The following ANKRD44 variants were observed in gnomAD, a reference collection of about 807,000 sequenced individuals.
The protein encoded by ANKRD44 is serine/threonine-protein phosphatase 6 regulatory ankyrin repeat subunit B.
ANKRD44 carries 35 observed loss-of-function variants against 116.0 expected under a neutral mutation model. The observed-to-expected ratio is 0.30, with a 90% CI of 0.23 to 0.40. ANKRD44 has a LOEUF of 0.40. Ranked by LOEUF, ANKRD44 falls within the 10% of genes least tolerant of loss-of-function variation. ANKRD44 has a pLI of 1.00. For missense variants in ANKRD44, 1,014 were observed against 1,242.6 expected, an observed-to-expected ratio of 0.82 and a Z score of 2.77; for synonymous variants, 435 against 461.8, an observed-to-expected ratio of 0.94 and a Z score of 0.74.
intron 1 of ANKRD44, among the ~76,000 whole-genome samples, chr2:197,279,571 G>A (rs1374131202): frequency 6.6e-6 from 1 of 152,118 alleles, no homozygotes; most frequent in Non-Finnish European, 1.5e-5. Context: ...CTCCAGCCAA[G>A]CTGCTCGCTT....
intron 1 of ANKRD44, among the ~76,000 whole-genome samples, chr2:197,247,362 T>C (rs1335818712): frequency 1.3e-5 from 2 of 152,122 alleles, no homozygotes; most frequent in Non-Finnish European, 2.9e-5. Flanking sequence ...TGGGCATAGG[T>C]TGCTGAAATA....
intron 26 of ANKRD44, among the ~76,000 whole-genome samples, chr2:196,994,103 C>T (rs1452949340): frequency 6.6e-6 from 1 of 152,192 alleles, no homozygotes; most frequent in East Asian, 1.9e-4. Context: ...CTACTAAATG[C>T]ACACAGATGT....
At chr2:197,121,268 T>A in intron 8 of ANKRD44, 64 bp downstream of exon 8, 1 of 1,472,812 alleles carries the variant, frequency 6.8e-7, no homozygotes, top group South Asian at 1.1e-5. Flanking sequence ...TTTGCAGCAG[T>A]TGATTTTGCT....
In ANKRD44 at chr2:197,299,738, G is replaced by A. The variant is rs992187099; in HGVS notation, c.27+10840C>T. 2.0e-5 allele frequency among the ~76,000 whole-genome samples: 3 copies of A among 152,156 alleles called. No homozygotes were observed. The East Asian group carries it at 5.8e-4, about 29-fold the overall frequency. Reference sequence around the variant, plus strand: ...TACACATTGGGTACAGTTCTTTAGTGGTGACAGGTGCACCAAAATCTCAGA... The same window carrying A: ...TACACATTGGGTACAGTTCTTTAGTAGTGACAGGTGCACCAAAATCTCAGA... On this transcript the variant is annotated intron_variant, in intron 1 of 27. Transcript: ENST00000282272.
At chr2:197,246,178 A>T (rs1358140841) in intron 1 of ANKRD44, among the ~76,000 whole-genome samples, 2 of 151,610 alleles carry the variant, frequency 1.3e-5, no homozygotes, top group African/African-American at 4.8e-5. Context: ...CTAGATTTTT[A>T]TTTTTATTTA....
intron 1 of ANKRD44, among the ~76,000 whole-genome samples, chr2:197,268,241 C>T (rs1363642596): frequency 6.6e-6 from 1 of 152,218 alleles, no homozygotes; most frequent in Admixed American, 6.5e-5. Context: ...GAAAATCTAT[C>T]AGTCTTGTTA....
chr2:197,016,239 T>A (rs929765515), intron 17 of ANKRD44, among the ~76,000 whole-genome samples: 3 of 152,214 alleles, frequency 2.0e-5, no homozygotes, highest in East Asian at 1.9e-4. Flanking sequence ...AGCTATTAAT[T>A]AATGCAATGT....
At chr2:197,234,057 A>G (rs1469311691) in intron 1 of ANKRD44, among the ~76,000 whole-genome samples, 1 of 152,260 alleles carries the variant, frequency 6.6e-6, no homozygotes, top group Non-Finnish European at 1.5e-5. Context: ...AAAGTTTCAA[A>G]TAATTCAAAA....
At chr2:197,252,107 G>A (rs1040258824) in intron 1 of ANKRD44, among the ~76,000 whole-genome samples, 1 of 152,086 alleles carries the variant, frequency 6.6e-6, no homozygotes, top group Admixed American at 6.5e-5. Flanking sequence ...GAATAAAGCA[G>A]TATCTTCAGA....
At chr2:197,016,976 G>T (rs1558992811) in intron 17 of ANKRD44, among the ~76,000 whole-genome samples, 1 of 151,974 alleles carries the variant, frequency 6.6e-6, no homozygotes, top group Non-Finnish European at 1.5e-5. Context: ...CACAGAAAAA[G>T]AAATAAAAAA....
chr2:197,310,434 A>T, intron 1 of ANKRD44, 144 bp downstream of exon 1: 1 of 406,028 alleles, frequency 2.5e-6, no homozygotes, highest in Non-Finnish European at 3.3e-6. Flanking sequence ...GGGCTCTCGG[A>T]GGCACCGGCG....
At chr2:197,083,046 T>G (rs1409555693) in intron 14 of ANKRD44, among the ~76,000 whole-genome samples, 1 of 152,206 alleles carries the variant, frequency 6.6e-6, no homozygotes, top group Non-Finnish European at 1.5e-5. Flanking sequence ...TTATAGCAAA[T>G]GAAGCATTTA....
intron 2 of ANKRD44, among the ~76,000 whole-genome samples, chr2:197,171,996 C>CTTTTTT (rs1559122763): frequency 3.4e-5 from 1 of 29,318 alleles, no homozygotes; most frequent in African/African-American, 5.3e-5. Context: ...CGTTATTTTT[C>CTTTTTT]TTCTTTTTTT....
At chr2:197,147,385 T>G (rs1286018884) in intron 2 of ANKRD44, among the ~76,000 whole-genome samples, 2 of 149,832 alleles carry the variant, frequency 1.3e-5, no homozygotes, top group South Asian at 2.1e-4. Context: ...ATGCCCTGGA[T>G]GATGAATTTC....
At chr2:197,217,281 A>G (rs935907533) in intron 1 of ANKRD44, among the ~76,000 whole-genome samples, 1 of 152,216 alleles carries the variant, frequency 6.6e-6, no homozygotes, top group Admixed American at 6.5e-5. Flanking sequence ...CAAATATAAC[A>G]TAAATGCTAC....
chr2:197,246,349 G>GGTTTTTT (rs1559181687), intron 1 of ANKRD44, among the ~76,000 whole-genome samples: 1 of 8,942 alleles, frequency 1.1e-4, no homozygotes, highest in African/African-American at 4.5e-4. Context: ...ACTACATCTG[G>GGTTTTTT]CTTTTTTTTT....
chr2:197,121,259 T>C, intron 8 of ANKRD44, 73 bp downstream of exon 8: 1 of 1,406,228 alleles, frequency 7.1e-7, no homozygotes, highest in Non-Finnish European at 1.0e-6. Context: ...ATGGCATAAT[T>C]TGCAGCAGTT....
At chr2:197,292,461 G>A (rs1220546023) in intron 1 of ANKRD44, among the ~76,000 whole-genome samples, 1 of 152,132 alleles carries the variant, frequency 6.6e-6, no homozygotes, top group Non-Finnish European at 1.5e-5. Context: ...AAGTGAAGGT[G>A]GGACACTCAA....
intron 16 of ANKRD44, among the ~76,000 whole-genome samples, chr2:197,050,802 C>T (rs1187606140): frequency 6.6e-6 from 1 of 152,102 alleles, no homozygotes; most frequent in African/African-American, 2.4e-5. Flanking sequence ...AATTATATTA[C>T]TGTTACCTTC....
Sources: gnomAD v4.1 joint callset for allele counts (sites outside exome capture counted in the v4.1 genomes callset) on GRCh38, gnomAD v4.1.1 for gene constraint, MANE v1.5 for transcripts, NCBI Gene and HGNC (gene_info 2026-07-23, HGNC 2026-07-21) for gene names.